IGF2BP1: variants seen among roughly 807,000 people sequenced by gnomAD.
The protein encoded by IGF2BP1 is insulin-like growth factor 2 mRNA-binding protein 1.
Under a neutral mutation model 74.9 loss-of-function variants are expected in IGF2BP1, and 11 were observed. That is an observed-to-expected ratio of 0.15 (90% confidence interval 0.09 to 0.24). The LOEUF (loss-of-function observed/expected upper bound fraction) is 0.24. IGF2BP1 is among the 10% of genes least tolerant of loss of function. IGF2BP1 has a pLI of 1.00. For synonymous variants in IGF2BP1, 287 were observed against 281.8 expected, an observed-to-expected ratio of 1.02 and a Z score of -0.18; for missense variants, 440 against 757.4, an observed-to-expected ratio of 0.58 and a Z score of 4.92.
Position 49,041,359 on chromosome 17 carries a change from C to T in IGF2BP1, c.819-19C>T. On this transcript the variant is annotated intron_variant, in intron 7 of 14. Transcript: ENST00000290341. ...TTGAAGGAACTCTTGTCTTCCACTTCTTCCTTTGTCTTCCCAAGGGCTGAC... is the reference window on the plus strand; with the variant it reads ...TTGAAGGAACTCTTGTCTTCCACTTTTTCCTTTGTCTTCCCAAGGGCTGAC... 1.2e-6 allele frequency: 2 copies of T among 1,613,356 alleles called. No homozygotes were observed. Among genetic ancestry groups the T allele is most frequent in the Middle Eastern group, 1.7e-4 (1 of 5,980 alleles).
intron 5 of IGF2BP1, chr17:49,037,136 G>A: frequency 2.5e-6 from 1 of 407,974 alleles, no homozygotes; most frequent in South Asian, 2.3e-5. Flanking sequence ...AAGTTTTGAA[G>A]CAGCATCTCA....
intron 2 of IGF2BP1, among the ~76,000 whole-genome samples, chr17:49,000,936 T>C (rs985924373): frequency 1.4e-5 from 2 of 143,032 alleles, no homozygotes; most frequent in African/African-American, 5.3e-5. Context: ...GTGAGAAGAC[T>C]GGGTAAAAAA....
chr17:49,034,756 C>CA (rs11388257), intron 5 of IGF2BP1, among the ~76,000 whole-genome samples: 54,482 of 135,998 alleles, frequency 0.4, 10,658 homozygotes, highest in Middle Eastern at 0.44. Flanking sequence ...ACAAAAAAAA[C>CA]AAAAAAAACA....
rs546459653 is a variant in IGF2BP1, at chr17:49,044,230, C to T, written c.1320+144C>T. 9.9e-4 allele frequency: 1,238 copies of T among 1,245,886 alleles called. 26 individuals are homozygous for T. The South Asian group carries it at 0.013, about 13-fold the overall frequency. 77.2% of individuals were successfully genotyped at this position (1,245,886 alleles called of 1,614,324 possible). ...ACCTTTCCCCCATGGAATCGAAGTC[C>T]TCTTTGTTTTTGATCTTGCTTGGTC... On this transcript the variant is annotated intron_variant, in intron 11 of 14. Coordinates refer to ENST00000290341, the MANE Select transcript of IGF2BP1 (RefSeq NM_006546.4).
chr17:49,031,546 G>A (rs1374731745), intron 4 of IGF2BP1, among the ~76,000 whole-genome samples: 2 of 150,282 alleles, frequency 1.3e-5, no homozygotes, highest in Non-Finnish European at 3.0e-5. Context: ...GCCCAGGTTC[G>A]GAGTGCAGTG....
At chr17:49,002,057 A>G (rs1384529607) in intron 2 of IGF2BP1, among the ~76,000 whole-genome samples, 1 of 151,908 alleles carries the variant, frequency 6.6e-6, no homozygotes, top group Non-Finnish European at 1.5e-5. Context: ...GCACTGACTC[A>G]TTTTTTTTAA....
chr17:49,018,817 G>A (rs988215199), intron 2 of IGF2BP1, among the ~76,000 whole-genome samples: 1 of 152,128 alleles, frequency 6.6e-6, no homozygotes, highest in Non-Finnish European at 1.5e-5. Flanking sequence ...TTTCCCAGAT[G>A]TGAGAAACTG....
In IGF2BP1 at chr17:48,997,602, C is replaced by A; in HGVS notation, c.-144C>A. On this transcript the variant is annotated 5_prime_UTR_variant, in exon 1 of 15. Coordinates refer to ENST00000290341, the MANE Select transcript of IGF2BP1 (RefSeq NM_006546.4). The surrounding 1 kb of genome is among the most constrained non-coding windows in gnomAD (Gnocchi z 4.8). The stretch of plus-strand genomic sequence containing the variant: ...CTCAGGCCGCCTTCCCCGCCCTGGG[C>A]TCGGGACAACTTCTGGGGTGGGGTG... 1.2e-6 allele frequency: 1 copy of A among 861,984 alleles called. No homozygotes were observed. Among genetic ancestry groups the A allele is most frequent in the Non-Finnish European group, 1.8e-6 (1 of 570,976 alleles). 53.4% of individuals were successfully genotyped at this position (861,984 alleles called of 1,614,324 possible).
At chr17:49,016,707 G>A (rs1268999562) in intron 2 of IGF2BP1, among the ~76,000 whole-genome samples, 2 of 152,054 alleles carry the variant, frequency 1.3e-5, no homozygotes, top group Non-Finnish European at 2.9e-5. Flanking sequence ...GGTGGCATCT[G>A]CTCTGCCCAG....
chr17:49,033,288 A>G (rs1407851316), intron 5 of IGF2BP1, among the ~76,000 whole-genome samples: 1 of 151,780 alleles, frequency 6.6e-6, no homozygotes, highest in African/African-American at 2.4e-5. Flanking sequence ...AGCTGGGACT[A>G]CAGGTGTACA....
At chr17:49,032,383 T>G (rs372143867) in intron 5 of IGF2BP1, among the ~76,000 whole-genome samples, 8 of 152,168 alleles carry the variant, frequency 5.3e-5, no homozygotes, top group African/African-American at 1.9e-4. Context: ...CAAAAAAGAT[T>G]CCTCAACCTT....
Position 48,997,577 on chromosome 17 carries a change from C to T in IGF2BP1, c.-169C>T. Reference sequence around the variant, plus strand: ...AACTCTCCCGCGACCTCTGCGCGCCCTCAGGCCGCCTTCCCCGCCCTGGGC... The same window carrying T: ...AACTCTCCCGCGACCTCTGCGCGCCTTCAGGCCGCCTTCCCCGCCCTGGGC... On this transcript the variant is annotated 5_prime_UTR_variant, in exon 1 of 15. Coordinates refer to ENST00000290341, the MANE Select transcript of IGF2BP1 (RefSeq NM_006546.4). This position sits in a 1 kb window ranked among gnomAD's most constrained non-coding sequence, Gnocchi z 4.8. 1.4e-6 allele frequency: 1 copy of T among 690,264 alleles called. No individual in the cohort carries two copies. The highest frequency in any genetic ancestry group is 2.4e-6 in the Non-Finnish European group (1 of 420,594). 42.8% of individuals were successfully genotyped at this position (690,264 alleles called of 1,614,324 possible).
At chr17:49,032,961 A>G (rs908139639) in intron 5 of IGF2BP1, among the ~76,000 whole-genome samples, 1 of 151,762 alleles carries the variant, frequency 6.6e-6, no homozygotes, top group African/African-American at 2.4e-5. Context: ...GACTACAGAC[A>G]TGCACCATTA....
intron 5 of IGF2BP1, among the ~76,000 whole-genome samples, chr17:49,035,999 G>A (rs1328541782): frequency 6.6e-6 from 1 of 152,106 alleles, no homozygotes; most frequent in Non-Finnish European, 1.5e-5. Context: ...CGGCCAGCCG[G>A]TCACTGTTTA....
intron 2 of IGF2BP1, among the ~76,000 whole-genome samples, chr17:49,020,649 A>G (rs1361470547): frequency 6.6e-6 from 1 of 152,198 alleles, no homozygotes; most frequent in Non-Finnish European, 1.5e-5. Context: ...AATAAAAAAC[A>G]CTTAAGAGTT....
At chr17:48,999,088 T>A (rs990653470) in intron 1 of IGF2BP1, 21 bp from the exon 2 acceptor site, 9 of 569,080 alleles carry the variant, frequency 1.6e-5, no homozygotes, top group Non-Finnish European at 2.3e-5. Context: ...CTCATGGTAA[T>A]TTTTTTTTTT....
chr17:49,014,442 G>C (rs1458456584), intron 2 of IGF2BP1, among the ~76,000 whole-genome samples: 1 of 151,804 alleles, frequency 6.6e-6, no homozygotes, highest in East Asian at 1.9e-4. Flanking sequence ...GCCAAGGATA[G>C]GCGAGAACCA....
intron 2 of IGF2BP1, among the ~76,000 whole-genome samples, chr17:49,015,832 G>T (rs1485101298): frequency 6.6e-6 from 1 of 152,152 alleles, no homozygotes; most frequent in African/African-American, 2.4e-5. Flanking sequence ...CGAGATAGGC[G>T]AATTGAGCAA....
intron 2 of IGF2BP1, among the ~76,000 whole-genome samples, chr17:49,014,376 C>T (rs1397897474): frequency 6.6e-6 from 1 of 151,384 alleles, no homozygotes; most frequent in African/African-American, 2.4e-5. Context: ...TTCCCCTGCT[C>T]CACCGCGAGG....
Sources: allele counts gnomAD v4.1 joint callset (sites outside exome capture counted in the v4.1 genomes callset), GRCh38; gene constraint gnomAD v4.1.1; non-coding constraint Gnocchi (gnomAD v3.1); transcripts MANE v1.5; gene names NCBI Gene and HGNC (gene_info 2026-07-23, HGNC 2026-07-21).